The following FEZ1 variants were observed in gnomAD, a reference collection of about 807,000 sequenced individuals.
FEZ1 encodes the protein fasciculation and elongation protein zeta 1, also known as fasciculation and elongation protein zeta-1.
A neutral mutation model predicts 49.3 loss-of-function variants in FEZ1; 20 were observed. That is an observed-to-expected ratio of 0.41 (90% CI 0.29 to 0.59). The LOEUF is 0.59. Ranked by LOEUF, FEZ1 falls within the 20% of genes least tolerant of loss-of-function variation. The pLI, the probability that FEZ1 is intolerant of heterozygous loss-of-function variation, is 0.36. For synonymous variants in FEZ1, 170 were observed against 180.9 expected (o/e 0.94, Z 0.48); for missense variants, 413 against 476.0 (o/e 0.87, Z 1.23).
At chr11:125,483,021 T>C (rs117827513) in intron 2 of FEZ1, among the ~76,000 whole-genome samples, 2,582 of 105,520 alleles carry the variant, frequency 0.024, 41 homozygotes, top group Middle Eastern at 0.043. Flanking sequence ...TATTAGATAA[T>C]GATAAATTAG....
rs1346468578 is a variant in FEZ1 at position 125,495,404 on chromosome 11, A to G, written c.-46+717T>C. 2.1e-6 allele frequency: 1 copy of G among 470,800 alleles called. No homozygotes were observed. Among genetic ancestry groups the G allele is most frequent in the Non-Finnish European group, 4.4e-6 (1 of 226,870 alleles). 29.2% of individuals were successfully genotyped at this position (470,800 alleles called of 1,614,324 possible). On this transcript the variant is annotated intron_variant, in intron 1 of 9. Coordinates refer to ENST00000278919, the MANE Select transcript of FEZ1 (RefSeq NM_005103.5). The surrounding 1 kb of genome is among the most constrained non-coding windows in gnomAD (Gnocchi z 4.2). Reference sequence around the variant, plus strand: ...CTGTGATACCTCCTCGACGCCGTCAAACACTGCTCCCCGCATTCCAGAGCC... The same window carrying G: ...CTGTGATACCTCCTCGACGCCGTCAGACACTGCTCCCCGCATTCCAGAGCC...
Position 125,489,431 on chromosome 11 carries a change from C to G in FEZ1, c.311+36G>C. 1.3e-6 allele frequency: 2 copies of G among 1,575,068 alleles called. No individual in the cohort carries two copies. Among genetic ancestry groups the G allele is most frequent in the Non-Finnish European group, 8.6e-7 (1 of 1,162,320 alleles). ...AAGGAGACAAGGACTACAGGGCTCTCGACTGAAGCAGGAGAGGGCAATTAA... is the reference window on the plus strand; with the variant it reads ...AAGGAGACAAGGACTACAGGGCTCTGGACTGAAGCAGGAGAGGGCAATTAA... On this transcript the variant is annotated intron_variant, in intron 2 of 9. Coordinates refer to ENST00000278919, the MANE Select transcript of FEZ1 (RefSeq NM_005103.5). The surrounding 1 kb of genome is among the most constrained non-coding windows in gnomAD (Gnocchi z 4.2).
At chr11:125,457,406 A>T (rs1180932257) in intron 5 of FEZ1, among the ~76,000 whole-genome samples, 1 of 31,532 alleles carries the variant, frequency 3.2e-5, no homozygotes, top group East Asian at 1.2e-3. Context: ...TCTACTTTAA[A>T]AAAAAAAAAA....
At chr11:125,480,098 C>T (rs1240285839) in intron 3 of FEZ1, among the ~76,000 whole-genome samples, 1 of 152,136 alleles carries the variant, frequency 6.6e-6, no homozygotes, top group Non-Finnish European at 1.5e-5. Flanking sequence ...AATTCTAGGC[C>T]AGCATGGTGG....
intron 3 of FEZ1, among the ~76,000 whole-genome samples, chr11:125,475,209 G>A (rs555167276): frequency 6.6e-6 from 1 of 151,746 alleles, no homozygotes; most frequent in East Asian, 1.9e-4. Context: ...GGTGGAGGTT[G>A]CTGTGAGCTG....
chr11:125,479,655 T>C (rs1485986087), intron 3 of FEZ1, among the ~76,000 whole-genome samples: 1 of 152,226 alleles, frequency 6.6e-6, no homozygotes, highest in Admixed American at 6.5e-5. Context: ...CACAAGTATC[T>C]TTCTAAAAGA....
At chr11:125,455,016 C>CG (rs944558232) in intron 6 of FEZ1, among the ~76,000 whole-genome samples, 3 of 54,876 alleles carry the variant, frequency 5.5e-5, no homozygotes, top group African/African-American at 2.1e-4. Context: ...TCCATCTCAC[C>CG]AAAAAAAAAA....
At position 125,460,603 on chromosome 11, in the gene FEZ1, G is replaced by T. The variant is rs1272405006; in HGVS notation, c.562C>A (p.Leu188Met). Residue 188 changes from leucine (L) to methionine (M), a missense_variant, in exon 5 of 10, where the codon CTG becomes ATG. Coordinates refer to ENST00000278919, the MANE Select transcript of FEZ1 (RefSeq NM_005103.5). ...GTTTCTCCTCCATCCTCTTCTTCCAGAACCTCCTCTTCTTCCTCAGGGTCT... is the reference window on the plus strand; with the variant it reads ...GTTTCTCCTCCATCCTCTTCTTCCATAACCTCCTCTTCTTCCTCAGGGTCT... ...SPDPEEEEEV[L>M]EEEDGGETSS... 6.2e-7 allele frequency: 1 copy of T among 1,614,096 alleles called. No homozygotes were observed. The highest frequency in any genetic ancestry group is 1.7e-5 in the Admixed American group (1 of 60,014).
In FEZ1 at chr11:125,489,745, C is replaced by T; in HGVS notation, c.33G>A (p.Glu11=). The T allele has an allele frequency of 6.4e-7, 1 of 1,573,922 alleles. No homozygotes were observed. The highest frequency in any genetic ancestry group is 1.2e-5 in the South Asian group (1 of 83,744). MEAPLVSLDE[E]FEDLRPSCSE... ...AGCAGGAGGGTCGAAGGTCCTCAAACTCTTCATCCAGACTCACCAGTGGGG... is the reference window on the plus strand; with the variant it reads ...AGCAGGAGGGTCGAAGGTCCTCAAATTCTTCATCCAGACTCACCAGTGGGG... Residue 11 remains glutamate (E), a synonymous_variant, in exon 2 of 10, where the codon GAG becomes GAA. Transcript: ENST00000278919. The surrounding 1 kb of genome is among the most constrained non-coding windows in gnomAD (Gnocchi z 4.2).
chr11:125,476,714 C>A (rs562900323), intron 3 of FEZ1, among the ~76,000 whole-genome samples: 1 of 152,104 alleles, frequency 6.6e-6, no homozygotes, highest in Non-Finnish European at 1.5e-5. Context: ...GACTGGGAAT[C>A]GGAACAGATT....
intron 5 of FEZ1, among the ~76,000 whole-genome samples, chr11:125,459,031 A>C (rs1158397024): frequency 6.6e-6 from 1 of 152,106 alleles, no homozygotes; most frequent in African/African-American, 2.4e-5. Context: ...ATGCCACTGC[A>C]CTCCAGCCTG....
chr11:125,459,554 T>C (rs926571985), intron 5 of FEZ1, among the ~76,000 whole-genome samples: 9 of 152,252 alleles, frequency 5.9e-5, no homozygotes, highest in African/African-American at 2.2e-4. Flanking sequence ...ATCATGCCAC[T>C]GCACTCTAGC....
At chr11:125,494,465 T>C (rs779163331) in intron 1 of FEZ1, among the ~76,000 whole-genome samples, 1 of 152,214 alleles carries the variant, frequency 6.6e-6, no homozygotes, top group African/African-American at 2.4e-5. Flanking sequence ...TCATAGCTCA[T>C]CTGGGAGCCT....
intron 8 of FEZ1, among the ~76,000 whole-genome samples, chr11:125,450,030 T>G (rs1783923): frequency 2.8e-5 from 4 of 143,880 alleles, no homozygotes; most frequent in African/African-American, 1.0e-4. Flanking sequence ...TTCTTCTGGG[T>G]TTTTTTTTTT....
rs75064386 is a variant in FEZ1, at chr11:125,471,087, C to T, written c.412-7517G>A. The stretch of plus-strand genomic sequence containing the variant: ...CTAGAGAAACCACTAAAGAAAAATA[C>T]GACAAGGTATAGATAAAAATCCAAC... On this transcript the variant is annotated intron_variant, in intron 3 of 9. Transcript: ENST00000278919. Among the ~76,000 whole-genome samples, 528 of 151,940 alleles carry T rather than the reference C, an allele frequency of 3.5e-3. 1 individual carries two copies. Among genetic ancestry groups the T allele is most frequent in the African/African-American group, 0.012 (509 of 41,456 alleles).
Position 125,463,230 on chromosome 11 carries a change from C to T in FEZ1, c.498+254G>A, listed in dbSNP as rs527725653. The T allele has an allele frequency of 2.7e-5, 6 of 223,258 alleles. No homozygotes were observed. In the East Asian group the frequency reaches 3.4e-4, roughly 13 times the overall value. 13.8% of individuals were successfully genotyped at this position (223,258 alleles called of 1,614,324 possible). On this transcript the variant is annotated intron_variant, in intron 4 of 9. Coordinates refer to ENST00000278919, the MANE Select transcript of FEZ1 (RefSeq NM_005103.5). ...CTGAGGCAGGAAAGTCACTTGAATC[C>T]GGGAGGCAGAGGTTGCAATGAGCCA...
In FEZ1 at chr11:125,444,699, T is replaced by C. The variant is rs1169541083; in HGVS notation, c.*1396A>G. Among the ~76,000 whole-genome samples, 19 of 152,156 alleles carry C rather than the reference T, an allele frequency of 1.2e-4. No individual in the cohort carries two copies. Among genetic ancestry groups the C allele is most frequent in the Admixed American group, 9.2e-4 (14 of 15,278 alleles). Reference sequence around the variant, plus strand: ...AGCTGCTGATGTGATAAAGTATGGCTTTCTCTGTGGCATGCTTAGTTCAAG... The same window carrying C: ...AGCTGCTGATGTGATAAAGTATGGCCTTCTCTGTGGCATGCTTAGTTCAAG... On this transcript the variant is annotated 3_prime_UTR_variant, in exon 10 of 10. Transcript: ENST00000278919.
intron 3 of FEZ1, chr11:125,469,174 C>A (rs1565537848): frequency 6.6e-6 from 1 of 152,302 alleles, no homozygotes. Flanking sequence ...TACATGCCAA[C>A]TGTCAAGATC....
At chr11:125,469,617 G>A (rs1957166075) in intron 3 of FEZ1, among the ~76,000 whole-genome samples, 1 of 152,010 alleles carries the variant, frequency 6.6e-6, no homozygotes, top group African/African-American at 2.4e-5. Flanking sequence ...AGGCTGGTGT[G>A]AAATGGTGTA....
Sources: allele counts gnomAD v4.1 joint callset (sites outside exome capture counted in the v4.1 genomes callset), GRCh38; gene constraint gnomAD v4.1.1; non-coding constraint Gnocchi (gnomAD v3.1); transcripts MANE v1.5; gene names NCBI Gene and HGNC (gene_info 2026-07-23, HGNC 2026-07-21).